The following RBPMS variants were observed in gnomAD, a reference collection of about 807,000 sequenced individuals.
RBPMS encodes RNA binding protein, mRNA processing factor.
Under a neutral mutation model 26.8 loss-of-function variants are expected in RBPMS, and 7 were observed. The ratio of observed to expected loss-of-function variants is 0.26; its 90% CI spans 0.15 to 0.49. The LOEUF (loss-of-function observed/expected upper bound fraction) is 0.49, where lower values mean the gene tolerates loss of function less well. Ranked by LOEUF, RBPMS falls within the 20% of genes least tolerant of loss-of-function variation. RBPMS has a pLI of 0.98. For synonymous variants in RBPMS, 96 were observed against 93.3 expected, an observed-to-expected ratio of 1.03 and a Z score of -0.17; for missense variants, 186 against 250.0, an observed-to-expected ratio of 0.74 and a Z score of 1.73.
chr8:30,385,129 C>T lies in RBPMS; in HGVS notation c.37C>T (p.Pro13Ser), dbSNP rs1396646389. The change falls in exon 1 of 9, where the codon CCG becomes TCG. Residue 13 changes from proline to serine, a missense_variant. Transcript: ENST00000397323. The stretch of plus-strand genomic sequence containing the variant: ...CGGCAAAGCCGAGAAGGAGAACACC[C>T]CGAGCGAGGCCAACCTTCAGGAGGA... ...NGGKAEKENTPSEANLQEEEV... is the reference protein window; with the variant it reads ...NGGKAEKENTSSEANLQEEEV... 2 of 1,527,360 alleles carry T rather than the reference C, an allele frequency of 1.3e-6. No homozygotes were observed. Among genetic ancestry groups the T allele is most frequent in the Non-Finnish European group, 1.8e-6 (2 of 1,138,792 alleles). 94.6% of individuals were successfully genotyped at this position (1,527,360 alleles called of 1,614,324 possible). A position where few individuals can be genotyped will look rare whatever the true frequency, so the allele number is the denominator to read the frequency against.
chr8:30,552,765 C>G (rs1309363602), intron 6 of RBPMS: 1 of 152,202 alleles, frequency 6.6e-6, no homozygotes, highest in African/African-American at 2.4e-5. Context: ...GTGCTTAGGA[C>G]AGACAGGAAA....
chr8:30,456,011 G>A (rs11992408), intron 1 of RBPMS, among the ~76,000 whole-genome samples: 1,705 of 152,326 alleles, frequency 0.011, 31 homozygotes, highest in African/African-American at 0.039. Context: ...CTGAAGGCCA[G>A]AGGCTTGGGG....
intron 5 of RBPMS, among the ~76,000 whole-genome samples, chr8:30,507,269 G>A (rs1288385752): frequency 1.3e-5 from 2 of 152,150 alleles, no homozygotes; most frequent in Non-Finnish European, 1.5e-5. Context: ...TCACTTGGTT[G>A]TGCTCCTATT....
At chr8:30,465,307 C>G (rs1330168354) in intron 1 of RBPMS, among the ~76,000 whole-genome samples, 1 of 152,164 alleles carries the variant, frequency 6.6e-6, no homozygotes, top group African/African-American at 2.4e-5. Context: ...TGATATACCT[C>G]CCTCCTTCTG....
At chr8:30,518,224 C>T (rs1822561418) in intron 5 of RBPMS, among the ~76,000 whole-genome samples, 2 of 152,134 alleles carry the variant, frequency 1.3e-5, no homozygotes, top group African/African-American at 4.8e-5. Context: ...CTATGTTACA[C>T]ATTCTGTAGG....
chr8:30,504,159 A>C, intron 4 of RBPMS, 127 bp from the exon 5 acceptor site: 1 of 877,090 alleles, frequency 1.1e-6, no homozygotes, highest in Non-Finnish European at 1.8e-6. Context: ...GTAAGTAGTA[A>C]GAATGAGAGT....
rs564112914 is a variant in RBPMS at position 30,425,586 on chromosome 8, G to A, written c.66+40428G>A. Among the ~76,000 whole-genome samples, 8 of 152,108 alleles carry A rather than the reference G, an allele frequency of 5.3e-5. No homozygotes were observed. In the East Asian group the frequency reaches 1.6e-3, roughly 30 times the overall value. ...CGCTAAATTTTGTATTTTTAGTAGA[G>A]ACGGGGTTTCTCCATGTTGGCCAGG... On this transcript the variant is annotated intron_variant, in intron 1 of 8. Transcript: ENST00000397323.
At chr8:30,504,675 C>G (rs1407231315) in intron 5 of RBPMS, among the ~76,000 whole-genome samples, 1 of 152,168 alleles carries the variant, frequency 6.6e-6, no homozygotes, top group Non-Finnish European at 1.5e-5. Context: ...ATTTGATGTA[C>G]TACAGATTTC....
intron 1 of RBPMS, among the ~76,000 whole-genome samples, chr8:30,447,889 T>C (rs1814069881): frequency 2.0e-5 from 3 of 152,168 alleles, no homozygotes; most frequent in South Asian, 2.1e-4. Flanking sequence ...CTGTCACATA[T>C]CTCTTTTGTG....
At chr8:30,556,291 A>G in intron 6 of RBPMS, 1 of 985,414 alleles carries the variant, frequency 1.0e-6, no homozygotes, top group Non-Finnish European at 1.2e-6. Flanking sequence ...ACCCGCCTTC[A>G]TGTCACTCTG....
At chr8:30,481,346 A>G (rs1180413546) in intron 4 of RBPMS, among the ~76,000 whole-genome samples, 1 of 152,158 alleles carries the variant, frequency 6.6e-6, no homozygotes, top group Non-Finnish European at 1.5e-5. Flanking sequence ...TTTCCTCATC[A>G]TACTGAGTAC....
chr8:30,472,933 T>G (rs1477410527), intron 1 of RBPMS, among the ~76,000 whole-genome samples: 3 of 152,176 alleles, frequency 2.0e-5, no homozygotes, highest in Non-Finnish European at 2.9e-5. Flanking sequence ...CCAGACATGG[T>G]AGCAGACTGT....
chr8:30,539,118 C>T (rs959905476), intron 5 of RBPMS, among the ~76,000 whole-genome samples: 1 of 152,102 alleles, frequency 6.6e-6, no homozygotes, highest in African/African-American at 2.4e-5. Context: ...ATTTATTTTT[C>T]TTGTTTCAAA....
chr8:30,408,715 C>T (rs908167135), intron 1 of RBPMS, among the ~76,000 whole-genome samples: 2 of 152,182 alleles, frequency 1.3e-5, no homozygotes, highest in Non-Finnish European at 2.9e-5. Context: ...ACTCTCTCAC[C>T]TCTTAAAATT....
chr8:30,522,089 G>A (rs1303811395), intron 5 of RBPMS, among the ~76,000 whole-genome samples: 1 of 151,842 alleles, frequency 6.6e-6, no homozygotes, highest in East Asian at 1.9e-4. Context: ...GTGAAGTAAT[G>A]CTTATGTTAA....
intron 5 of RBPMS, among the ~76,000 whole-genome samples, chr8:30,541,804 G>A (rs1164687712): frequency 2.1e-4 from 32 of 152,172 alleles, no homozygotes; most frequent in African/African-American, 7.2e-5. Context: ...CCTTGTGAAG[G>A]GCTTGTGCTG....
intron 6 of RBPMS, chr8:30,556,842 C>G: frequency 1.1e-6 from 1 of 920,442 alleles, no homozygotes; most frequent in African/African-American, 1.8e-5. Context: ...CCCTCTCCTC[C>G]CCTAGACTCT....
At chr8:30,504,195 A>AC in intron 4 of RBPMS, 91 bp from the exon 5 acceptor site, 1 of 1,370,482 alleles carries the variant, frequency 7.3e-7, no homozygotes, top group Non-Finnish European at 1.0e-6. Flanking sequence ...TTCCTGATAG[A>AC]CCAGGGTTTA....
intron 1 of RBPMS, among the ~76,000 whole-genome samples, chr8:30,435,853 T>C (rs1039518088): frequency 2.0e-5 from 3 of 152,252 alleles, no homozygotes; most frequent in Non-Finnish European, 2.9e-5. Context: ...TCATCCAGCC[T>C]AGAGTGCAGT....
Sources: gnomAD v4.1 joint callset for allele counts (sites outside exome capture counted in the v4.1 genomes callset) on GRCh38, gnomAD v4.1.1 for gene constraint, MANE v1.5 for transcripts, NCBI Gene and HGNC (gene_info 2026-07-23, HGNC 2026-07-21) for gene names.